TYW1B: variants seen among roughly 807,000 people sequenced by gnomAD.
The protein encoded by TYW1B is tRNA-yW synthesizing protein 1 homolog B.
TYW1B carries 73 observed loss-of-function variants against 86.9 expected under a neutral mutation model. The ratio of observed to expected loss-of-function variants is 0.84; its 90% CI spans 0.70 to 1.02. The LOEUF is 1.02. TYW1B is among the 50% of genes least tolerant of loss of function. The pLI is 0.00. For synonymous variants in TYW1B, 248 were observed against 292.8 expected (o/e 0.85, Z 1.56); for missense variants, 637 against 827.4 (o/e 0.77, Z 2.82).
intron 6 of TYW1B, among the ~76,000 whole-genome samples, chr7:72,782,813 G>A (rs1464623715): frequency 2.6e-5 from 4 of 152,094 alleles, no homozygotes; most frequent in African/African-American, 7.2e-5. Context: ...GGAGGCAGAG[G>A]TTGCAGTGAG....
At chr7:72,799,325 A>AT (rs1788363836) in intron 6 of TYW1B, among the ~76,000 whole-genome samples, 1 of 147,820 alleles carries the variant, frequency 6.8e-6, no homozygotes, top group Non-Finnish European at 1.5e-5. Context: ...TGCCCGGCTA[A>AT]TTTTTTTTGT....
At chr7:72,626,783 C>T (rs1472997074) in intron 12 of TYW1B, among the ~76,000 whole-genome samples, 2 of 152,014 alleles carry the variant, frequency 1.3e-5, no homozygotes, top group Non-Finnish European at 2.9e-5. Flanking sequence ...CCATCTCTTG[C>T]TTGGACTAAC....
intron 13 of TYW1B, among the ~76,000 whole-genome samples, chr7:72,614,557 G>A (rs1554436508): frequency 6.6e-6 from 1 of 151,796 alleles, no homozygotes; most frequent in Non-Finnish European, 1.5e-5. Flanking sequence ...CGCTTGAAGG[G>A]AGGAGGCAGA....
intron 6 of TYW1B, among the ~76,000 whole-genome samples, chr7:72,796,359 T>A (rs2129572384): frequency 1.0e-5 from 1 of 97,854 alleles, no homozygotes; most frequent in African/African-American, 3.7e-5. Flanking sequence ...TTCTCCTGCC[T>A]CAGCCTCCCG....
chr7:72,728,026 TG>T, intron 9 of TYW1B, among the ~76,000 whole-genome samples: 1 of 152,042 alleles, frequency 6.6e-6, no homozygotes, highest in Non-Finnish European at 1.5e-5. Context: ...AAAAATGGAG[TG>T]GCTGAATTTT....
chr7:72,702,686 C>T (rs1208772731), intron 10 of TYW1B, among the ~76,000 whole-genome samples: 1 of 151,834 alleles, frequency 6.6e-6, no homozygotes, highest in African/African-American at 2.4e-5. Flanking sequence ...TGCTCCCAGC[C>T]GAGATACTGG....
intron 6 of TYW1B, among the ~76,000 whole-genome samples, chr7:72,799,370 C>T (rs1364638858): frequency 1.7e-4 from 25 of 146,378 alleles, no homozygotes; most frequent in Middle Eastern, 8.1e-3. Flanking sequence ...ACCATGTTGG[C>T]CAGGCTGGTC....
intron 6 of TYW1B, among the ~76,000 whole-genome samples, chr7:72,783,501 TAAGTA>T (rs1463909979): frequency 4.6e-5 from 7 of 151,994 alleles, no homozygotes; most frequent in Non-Finnish European, 1.0e-4. Flanking sequence ...GTAAAAAAAT[TAAGTA>T]AATTATTAAT....
intron 12 of TYW1B, among the ~76,000 whole-genome samples, chr7:72,626,662 C>T (rs1345691687): frequency 4.6e-5 from 7 of 152,000 alleles, no homozygotes; most frequent in African/African-American, 1.2e-4. Context: ...ATTCTTTTTT[C>T]GTTCAGCCCG....
At chr7:72,758,672 T>A (rs1436901899) in intron 7 of TYW1B, among the ~76,000 whole-genome samples, 1 of 152,104 alleles carries the variant, frequency 6.6e-6, no homozygotes, top group Admixed American at 6.6e-5. Context: ...AGTAGAGGCT[T>A]TTTTACTTTA....
In TYW1B at chr7:72,692,347, C is replaced by CA. The variant is rs556302855; in HGVS notation, c.1506+2339dup. ...GGCCAGGAGTTTGAGACTGTCTCTA[C>CA]AAAAAAAAAATCAAAAAATTAACTA... On this transcript the variant is annotated intron_variant, in intron 11 of 13. Coordinates refer to ENST00000620995, the MANE Select transcript of TYW1B (RefSeq NM_001145440.3). 1.8e-3 allele frequency among the ~76,000 whole-genome samples: 260 copies of CA among 148,064 alleles called. 2 individuals carry two copies. Among genetic ancestry groups the CA allele is most frequent in the African/African-American group, 5.5e-3 (221 of 40,400 alleles).
At chr7:72,634,589 A>G (rs1331087130) in intron 11 of TYW1B, among the ~76,000 whole-genome samples, 2 of 150,786 alleles carry the variant, frequency 1.3e-5, no homozygotes, top group African/African-American at 4.9e-5. Context: ...ACCTTAGCAG[A>G]TATTGGCAAT....
chr7:72,736,012 T>A (rs1787191809), intron 8 of TYW1B, among the ~76,000 whole-genome samples: 1 of 152,188 alleles, frequency 6.6e-6, no homozygotes, highest in South Asian at 2.1e-4. Flanking sequence ...AACAAAAATT[T>A]AATTTTCTCA....
intron 12 of TYW1B, among the ~76,000 whole-genome samples, chr7:72,624,663 T>C (rs1812297020): frequency 6.6e-6 from 1 of 152,202 alleles, no homozygotes; most frequent in Non-Finnish European, 1.5e-5. Flanking sequence ...TTGCAGGACA[T>C]TTCTCCCTGG....
At chr7:72,578,336 C>T (rs1376684834) in intron 13 of TYW1B, among the ~76,000 whole-genome samples, 9 of 152,076 alleles carry the variant, frequency 5.9e-5, no homozygotes, top group Non-Finnish European at 5.9e-5. Flanking sequence ...AGGATGGTCT[C>T]GATCTCCTGA....
intron 8 of TYW1B, among the ~76,000 whole-genome samples, chr7:72,737,163 C>G (rs371159369): frequency 3.3e-5 from 5 of 152,158 alleles, no homozygotes; most frequent in Admixed American, 3.3e-4. Context: ...TTTTAAGAAT[C>G]CACTGCAAGA....
At chr7:72,575,762 C>T (rs782343390) in intron 13 of TYW1B, 43 bp from the exon 14 acceptor site, 5 of 1,572,318 alleles carry the variant, frequency 3.2e-6, no homozygotes, top group Non-Finnish European at 4.3e-6. Flanking sequence ...AAAAACATCC[C>T]TAGAAAAAAA....
chr7:72,805,718 C>A (rs1271081075), intron 5 of TYW1B, among the ~76,000 whole-genome samples: 1 of 151,920 alleles, frequency 6.6e-6, no homozygotes, highest in East Asian at 1.9e-4. Flanking sequence ...AGGGAGAGAC[C>A]AAGGTCAGTG....
chr7:72,583,187 AC>A (rs1384765347), intron 13 of TYW1B, among the ~76,000 whole-genome samples: 3 of 152,008 alleles, frequency 2.0e-5, no homozygotes, highest in Non-Finnish European at 4.4e-5. Flanking sequence ...ACAAGGTGAA[AC>A]CCCATCTCTA....
Sources: allele counts gnomAD v4.1 joint callset (sites outside exome capture counted in the v4.1 genomes callset), GRCh38; gene constraint gnomAD v4.1.1; transcripts MANE v1.5; gene names NCBI Gene and HGNC (gene_info 2026-07-23, HGNC 2026-07-21).